Variants in NUP210 observed in about 807,000 individuals in gnomAD.
NUP210 encodes the protein nuclear pore membrane glycoprotein 210.
A neutral mutation model predicts 196.0 loss-of-function variants in NUP210; 151 were observed. The observed-to-expected ratio is 0.77, with a 90% confidence interval of 0.67 to 0.88. NUP210 has a LOEUF of 0.88. Among genes scored for constraint, NUP210 ranks in the 40% least tolerant of loss-of-function variants. The probability of loss-of-function intolerance (pLI) is 0.00; values close to 1 mark genes in which losing one functional copy is unlikely to be tolerated. For synonymous variants in NUP210, 1,070 were observed against 1,052.7 expected (o/e 1.02, Z -0.32); for missense variants, 2,314 against 2,493.7 (o/e 0.93, Z 1.53).
rs1284950569 is a variant in NUP210, at chr3:13,379,118, G to A, written c.977-138C>T. On this transcript the variant is annotated intron_variant, in intron 7 of 39. Transcript: ENST00000254508. The surrounding 1 kb of genome is among the most constrained non-coding windows in gnomAD (Gnocchi z 4.2). ...AGGGGATGAAAACTCCCCTGGCTTA[G>A]GCCACGTAGAGCAAAGGCACTTTTC... is the stretch of plus-strand genomic sequence containing the variant. 6.7e-6 allele frequency: 5 copies of A among 745,584 alleles called. No homozygotes were observed. The highest frequency in any genetic ancestry group is 1.2e-5 in the Non-Finnish European group (5 of 422,164). The allele number at this position is 745,584 out of a possible 1,614,324, so 46.2% of individuals were successfully genotyped here.
At position 13,358,381 on chromosome 3, in the gene NUP210, C is replaced by A; in HGVS notation, c.2169G>T (p.Ser723=). ...QALGEQVIAL[S]VGNKPSLTNP... ...TGGTGAGGCTGGGCTTGTTCCCCAC[C>A]GACAGGGCGATGACCTGGTAGGGCA... Residue 723 remains serine (S), a synonymous_variant, in exon 16 of 40, where the codon TCG becomes TCT. Transcript: ENST00000254508. 6.2e-7 allele frequency: 1 copy of A among 1,611,390 alleles called. No individual in the cohort carries two copies. The highest frequency in any genetic ancestry group is 8.5e-7 in the Non-Finnish European group (1 of 1,178,382).
rs186669364 is a variant in NUP210, at chr3:13,400,596, G to A, written c.168-735C>T. Among the ~76,000 whole-genome samples, 14 of 152,302 alleles carry A rather than the reference G, an allele frequency of 9.2e-5. No homozygotes were observed. The East Asian group carries it at 2.7e-3, about 29-fold the overall frequency. On this transcript the variant is annotated intron_variant, in intron 1 of 39. Coordinates refer to ENST00000254508, the MANE Select transcript of NUP210 (RefSeq NM_024923.4). ...CCCCAGGCCCAGGTGAGAAGGTGAC[G>A]AGAGGCAGAGGACAGCAGACTCCAC... is the stretch of plus-strand genomic sequence containing the variant.
intron 14 of NUP210, 110 bp from the exon 15 acceptor site, chr3:13,360,601 C>T: frequency 1.4e-6 from 1 of 726,760 alleles, no homozygotes; most frequent in East Asian, 2.7e-5. Context: ...GGTGGTCAGG[C>T]AAGCCCCATC....
At chr3:13,322,424 G>T in intron 34 of NUP210, 85 bp from the exon 35 acceptor site, 2 of 1,460,232 alleles carry the variant, frequency 1.4e-6, no homozygotes, top group Non-Finnish European at 1.9e-6. Flanking sequence ...GGCTGGCTGG[G>T]CTGCAAATGC....
intron 2 of NUP210, 107 bp from the exon 3 acceptor site, chr3:13,397,595 G>A (rs1023165532): frequency 1.6e-5 from 20 of 1,254,188 alleles, no homozygotes; most frequent in Non-Finnish European, 1.7e-5. Context: ...GCAACCACCA[G>A]CTTCACCCTC....
At chr3:13,382,666 C>T (rs535598348) in intron 6 of NUP210, among the ~76,000 whole-genome samples, 5 of 152,312 alleles carry the variant, frequency 3.3e-5, no homozygotes, top group Admixed American at 6.5e-5. Flanking sequence ...TTATAATTAT[C>T]GCATGTTAAT....
chr3:13,397,574 C>A, intron 2 of NUP210, 86 bp from the exon 3 acceptor site: 1 of 1,404,618 alleles, frequency 7.1e-7, no homozygotes, highest in Non-Finnish European at 9.4e-7. Flanking sequence ...TACACTCTGG[C>A]AAAGACCACG....
intron 29 of NUP210, 62 bp from the exon 30 acceptor site, chr3:13,330,696 A>C (rs1018380254): frequency 6.7e-7 from 1 of 1,482,988 alleles, no homozygotes; most frequent in Non-Finnish European, 9.3e-7. Flanking sequence ...GCCTGGATAC[A>C]ATGCCAGGAG....
rs117101246 is a variant in NUP210 at position 13,332,874 on chromosome 3, T to C, written c.3844-490A>G. ...TGAGGAAGAACTTTACCTGCCAGGA[T>C]GTGAGCGCGGAGGGCAGCACACACA... On this transcript the variant is annotated intron_variant, in intron 28 of 39. Coordinates refer to ENST00000254508, the MANE Select transcript of NUP210 (RefSeq NM_024923.4). Among the ~76,000 whole-genome samples the C allele has an allele frequency of 3.9e-5, 6 of 152,354 alleles. No individual in the cohort carries two copies. In the East Asian group the frequency reaches 9.7e-4, roughly 25 times the overall value.
chr3:13,333,456 G>A (rs768820489), intron 28 of NUP210, among the ~76,000 whole-genome samples: 1 of 152,186 alleles, frequency 6.6e-6, no homozygotes, highest in Non-Finnish European at 1.5e-5. Flanking sequence ...CGGATCTGAC[G>A]AGTGATTCTC....
At chr3:13,339,557 T>C (rs1196874338) in intron 25 of NUP210, among the ~76,000 whole-genome samples, 1 of 152,232 alleles carries the variant, frequency 6.6e-6, no homozygotes, top group Non-Finnish European at 1.5e-5. Context: ...TCACCATGAT[T>C]GCCATCATCC....
chr3:13,401,495 C>A (rs975392262), intron 1 of NUP210, among the ~76,000 whole-genome samples: 74 of 150,296 alleles, frequency 4.9e-4, no homozygotes, highest in African/African-American at 1.8e-3. Flanking sequence ...TGAAGGAAAG[C>A]AATCTACACC....
chr3:13,366,131 C>CT, intron 13 of NUP210, 40 bp from the exon 14 acceptor site: 1 of 1,591,710 alleles, frequency 6.3e-7, no homozygotes. Flanking sequence ...CCTGAAATCA[C>CT]TTTTTTCTTT....
intron 9 of NUP210, 58 bp downstream of exon 9, chr3:13,377,398 C>T: frequency 8.0e-7 from 1 of 1,257,520 alleles, no homozygotes; most frequent in Non-Finnish European, 1.2e-6. Context: ...TCTTCAGCAG[C>T]CGCGTCAGAC....
chr3:13,320,437 G>C (rs1696473216), intron 36 of NUP210, among the ~76,000 whole-genome samples: 1 of 151,288 alleles, frequency 6.6e-6, no homozygotes, highest in Admixed American at 6.6e-5. Context: ...ATCGAGACCA[G>C]CCTGGCTAAC....
intron 2 of NUP210, among the ~76,000 whole-genome samples, chr3:13,399,075 T>C (rs1339833025): frequency 2.0e-5 from 3 of 152,134 alleles, no homozygotes; most frequent in African/African-American, 7.2e-5. Flanking sequence ...GAGACCAGCC[T>C]GGCCAACTTG....
intron 2 of NUP210, 22 bp from the exon 3 acceptor site, chr3:13,397,510 G>A (rs751149332): frequency 1.3e-6 from 2 of 1,573,422 alleles, no homozygotes; most frequent in Admixed American, 3.7e-5. Context: ...CCAGGAAGGG[G>A]TCAGCACCAA....
intron 16 of NUP210, among the ~76,000 whole-genome samples, chr3:13,356,496 A>G (rs1380633831): frequency 6.6e-6 from 1 of 152,138 alleles, no homozygotes; most frequent in Non-Finnish European, 1.5e-5. Flanking sequence ...TACAAAAATT[A>G]GCTGGGTGTG....
chr3:13,401,657 C>T (rs1026489776), intron 1 of NUP210, among the ~76,000 whole-genome samples: 2 of 152,164 alleles, frequency 1.3e-5, no homozygotes, highest in East Asian at 1.9e-4. Flanking sequence ...GGAAACACTC[C>T]GTCCAACCAT....
Sources: allele counts gnomAD v4.1 joint callset (sites outside exome capture counted in the v4.1 genomes callset), GRCh38; gene constraint gnomAD v4.1.1; non-coding constraint Gnocchi (gnomAD v3.1); transcripts MANE v1.5; gene names NCBI Gene and HGNC (gene_info 2026-07-23, HGNC 2026-07-21).